PCDH8: variants seen among roughly 807,000 people sequenced by gnomAD.
PCDH8 encodes protocadherin 8.
Under a neutral mutation model 58.2 loss-of-function variants are expected in PCDH8, and 36 were observed. The ratio of observed to expected loss-of-function variants is 0.62; its 90% confidence interval spans 0.47 to 0.82. The LOEUF (loss-of-function observed/expected upper bound fraction) is 0.82. Among genes scored for constraint, PCDH8 ranks in the 40% least tolerant of loss-of-function variants. The pLI is 0.00. For missense variants in PCDH8, 1,493 were observed against 1,567.8 expected (o/e 0.95, Z 0.81); for synonymous variants, 775 against 728.9 (o/e 1.06, Z -1.02).
At position 52,844,269 on chromosome 13, in the gene PCDH8, C is replaced by G. The variant is rs1270471148; in HGVS notation, c.*291G>C. Reference sequence around the variant, plus strand: ...ATAACAAAATTTCATTATATACAAACATTACATTACACAATGTACAGGTTA... The same window carrying G: ...ATAACAAAATTTCATTATATACAAAGATTACATTACACAATGTACAGGTTA... On this transcript the variant is annotated 3_prime_UTR_variant, in exon 3 of 3. Transcript: ENST00000377942. 1 of 202,690 alleles carries G rather than the reference C, an allele frequency of 4.9e-6. No homozygotes were observed. The highest frequency in any genetic ancestry group is 9.8e-6 in the Non-Finnish European group (1 of 101,950). 12.6% of individuals were successfully genotyped at this position (202,690 alleles called of 1,614,324 possible).
At position 52,847,439 on chromosome 13, in the gene PCDH8, G is replaced by T; in HGVS notation, c.998C>A (p.Pro333His). ...DVRAQDRGPG[P>H]RAATCKVIVR... ...GATGACCTTGCAGGTGGCAGCGCGGGGCCCGGGTCCGCGGTCCTGCGCCCG... is the reference window on the plus strand; with the variant it reads ...GATGACCTTGCAGGTGGCAGCGCGGTGCCCGGGTCCGCGGTCCTGCGCCCG... Residue 333 changes from proline to histidine, a missense_variant, in exon 1 of 3, where the codon CCC becomes CAC. Transcript: ENST00000377942. The T allele has an allele frequency of 6.3e-7, 1 of 1,587,064 alleles. No homozygotes were observed.
rs746006475 is a variant in PCDH8, at chr13:52,844,980, T to G, written c.2840-47A>C. The G allele has an allele frequency of 2.0e-6, 3 of 1,505,168 alleles. No individual in the cohort carries two copies. In the South Asian group the frequency reaches 4.1e-5, roughly 20 times the overall value. 93.2% of individuals were successfully genotyped at this position (1,505,168 alleles called of 1,614,324 possible). A position where few individuals can be genotyped will look rare whatever the true frequency, so the allele number is the denominator to read the frequency against. On this transcript the variant is annotated intron_variant, in intron 2 of 2. Coordinates refer to ENST00000377942, the MANE Select transcript of PCDH8 (RefSeq NM_002590.4). ...AACAGCATGACGATTATTCCTGAGATTATACATATTCAGGCTTCCATCTTC... is the reference window on the plus strand; with the variant it reads ...AACAGCATGACGATTATTCCTGAGAGTATACATATTCAGGCTTCCATCTTC...
rs1453017254 is a variant in PCDH8, at chr13:52,845,273, C to G, written c.2839+152G>C. The G allele has an allele frequency of 1.1e-5, 8 of 734,246 alleles. No homozygotes were observed. The African/African-American group carries it at 1.4e-4, about 13-fold the overall frequency. 45.5% of individuals were successfully genotyped at this position (734,246 alleles called of 1,614,324 possible). On this transcript the variant is annotated intron_variant, in intron 2 of 2. Coordinates refer to ENST00000377942, the MANE Select transcript of PCDH8 (RefSeq NM_002590.4). ...CTCGACTTGGCATTTTGAAATTCAC[C>G]GTGTGAGGCAGGCCCGTATCCGCAG...
In PCDH8 at chr13:52,846,928, C is replaced by T. The variant is rs1253186701; in HGVS notation, c.1509G>A (p.Glu503=). 5.6e-6 allele frequency: 9 copies of T among 1,593,906 alleles called. No homozygotes were observed. Among genetic ancestry groups the T allele is most frequent in the East Asian group, 4.6e-5 (2 of 43,688 alleles). ...NAPLFTRPVY[E]VSVRENNPPG... ...GCGGGTTGTTCTCGCGCACCGACAC[C>T]TCATAGACCGGCCGCGTGAAGAGCG... The change falls in exon 1 of 3, where the codon GAG becomes GAA. Residue 503 remains glutamate, a synonymous_variant. Coordinates refer to ENST00000377942, the MANE Select transcript of PCDH8 (RefSeq NM_002590.4).
chr13:52,846,802 C>G lies in PCDH8; in HGVS notation c.1635G>C (p.Gly545=). The G allele has an allele frequency of 6.4e-7, 1 of 1,552,970 alleles. No homozygotes were observed. Among genetic ancestry groups the G allele is most frequent in the South Asian group, 1.2e-5 (1 of 85,738 alleles). The change falls in exon 1 of 3, where the codon GGG becomes GGC. Residue 545 remains glycine (G), a synonymous_variant. Transcript: ENST00000377942. ...RLLEAEVGRA[G]GAVSTYVSVD... is the part of the protein sequence containing the mutation. ...CCGAGACATAAGTGGACACGGCGCC[C>G]CCGGCGCGGCCCACCTCGGCCTCCA...
rs201221162 is a variant in PCDH8 at position 52,845,626 on chromosome 13, C to G, written c.2638G>C (p.Gly880Arg). Residue 880 changes from glycine (G) to arginine (R), a missense_variant, in exon 2 of 3, where the codon GGT (glycine) becomes CGT (arginine). By Grantham distance (125) the Gly-to-Arg change is moderately radical. Around this residue, in one of 3 missense-constraint regions of PCDH8, gnomAD observed 1,307 missense variants for 1,362.7 expected, o/e 0.96. Transcript: ENST00000377942. ...TCCTTTCCAAAACCCGGGGAGGCAC[C>G]GTAGGGCTGCAGCAGGGAATAGGGG... Reference protein sequence around the residue: ...RLRGAHAEPYGASPGFGKEPA... With the variant: ...RLRGAHAEPYRASPGFGKEPA... 2.5e-6 allele frequency: 4 copies of G among 1,613,840 alleles called. No individual in the cohort carries two copies. Among genetic ancestry groups the G allele is most frequent in the Non-Finnish European group, 2.5e-6 (3 of 1,179,998 alleles).
chr13:52,845,701 G>A, intron 1 of PCDH8, 69 bp from the exon 2 acceptor site: 1 of 1,561,164 alleles, frequency 6.4e-7, no homozygotes, highest in Non-Finnish European at 8.7e-7. Flanking sequence ...AAACAAGTGC[G>A]ACAGGTTGTC....
rs1217459468 is a variant in PCDH8, at chr13:52,845,609, A to G, written c.2655T>C (p.Phe885=). The G allele has an allele frequency of 6.2e-7, 1 of 1,614,048 alleles. No individual in the cohort carries two copies. The highest frequency in any genetic ancestry group is 8.5e-7 in the Non-Finnish European group (1 of 1,180,016). The stretch of plus-strand genomic sequence containing the variant: ...CCACAGGGGGCGCCGGCTCCTTTCC[A>G]AAACCCGGGGAGGCACCGTAGGGCT... ...HAEPYGASPG[F]GKEPAPPVAV... is the part of the protein sequence containing the mutation. Residue 885 remains phenylalanine (F), a synonymous_variant, in exon 2 of 3, where the codon TTT becomes TTC. Coordinates refer to ENST00000377942, the MANE Select transcript of PCDH8 (RefSeq NM_002590.4).
chr13:52,845,470 T>C lies in PCDH8; in HGVS notation c.2794A>G (p.Ser932Gly). Reference protein sequence around the residue: ...SDFNDSDSDISGDALKKDLIN... With the variant: ...SDFNDSDSDIGGDALKKDLIN... ...AGATCCTTTTTCAGAGCGTCCCCGCTGATGTCGGAATCGCTGTCGTTGAAA... is the reference window on the plus strand; with the variant it reads ...AGATCCTTTTTCAGAGCGTCCCCGCCGATGTCGGAATCGCTGTCGTTGAAA... Residue 932 changes from serine to glycine, a missense_variant, in exon 2 of 3, where the codon AGC becomes GGC. By Grantham distance (56) the Ser-to-Gly change is moderately conservative. Coordinates refer to ENST00000377942, the MANE Select transcript of PCDH8 (RefSeq NM_002590.4). 1 of 1,614,234 alleles carries C rather than the reference T, an allele frequency of 6.2e-7. No individual in the cohort carries two copies. The highest frequency in any genetic ancestry group is 8.5e-7 in the Non-Finnish European group (1 of 1,180,048).
chr13:52,846,376 C>T lies in PCDH8; in HGVS notation c.2061G>A (p.Arg687=). The change falls in exon 1 of 3, where the codon AGG becomes AGA. Residue 687 remains arginine (R), a synonymous_variant. Transcript: ENST00000377942. ...LSQEPPGRVF[R]ALLVISDGGR... ...CGCCGTCGGATATGACCAGGAGCGC[C>T]CTGAACACGCGACCGGGTGGCTCCT... 1 of 1,588,894 alleles carries T rather than the reference C, an allele frequency of 6.3e-7. No individual in the cohort carries two copies. Among genetic ancestry groups the T allele is most frequent in the Non-Finnish European group, 8.5e-7 (1 of 1,170,300 alleles).
intron 2 of PCDH8, 151 bp from the exon 3 acceptor site, chr13:52,845,084 C>T: frequency 1.1e-6 from 1 of 870,960 alleles, no homozygotes; most frequent in Non-Finnish European, 1.7e-6. Flanking sequence ...GAATCGAAGG[C>T]ACATTGCTTC....
rs774094455 is a variant in PCDH8 at position 52,846,099 on chromosome 13, CCTT to C, written c.2335_2337del (p.Lys779del). The C allele has an allele frequency of 6.3e-7, 1 of 1,581,414 alleles. No individual in the cohort carries two copies. Among genetic ancestry groups the C allele is most frequent in the Non-Finnish European group, 8.5e-7 (1 of 1,171,300 alleles). On this transcript the variant is annotated inframe_deletion, in exon 1 of 3. Transcript: ENST00000377942. ...CGGAGGGCCCCCCCTTTGCGCACCTCCTTCTTGCGGCGGTTGCAGGTGGTGGCG... is the reference window on the plus strand; with the variant it reads ...CGGAGGGCCCCCCCTTTGCGCACCTCCTTGCGGCGGTTGCAGGTGGTGGCG...
Position 52,847,036 on chromosome 13 carries a change from C to A in PCDH8, c.1401G>T (p.Leu467=). 1 of 1,567,470 alleles carries A rather than the reference C, an allele frequency of 6.4e-7. No homozygotes were observed. Among genetic ancestry groups the A allele is most frequent in the Non-Finnish European group, 8.6e-7 (1 of 1,158,828 alleles). ...RERIAEYNLT[L]VAEDRGAPPL... ...GGGGCGCGCCGCGATCCTCGGCCAC[C>A]AGCGTCAAGTTGTACTCGGCGATGC... The change falls in exon 1 of 3, where the codon CTG becomes CTT. Residue 467 remains leucine, a synonymous_variant. Transcript: ENST00000377942.
Position 52,845,811 on chromosome 13 carries a change from C to A in PCDH8, c.2626G>T (p.Ala876Ser). The A allele has an allele frequency of 6.7e-7, 1 of 1,502,822 alleles. No individual in the cohort carries two copies. 93.1% of individuals were successfully genotyped at this position (1,502,822 alleles called of 1,614,324 possible). A position where few individuals can be genotyped will look rare whatever the true frequency, so the allele number is the denominator to read the frequency against. Residue 876 changes from alanine to serine, a missense_variant, in exon 1 of 3, where the codon GCC becomes TCC. By Grantham distance (99) the Ala-to-Ser change is moderately conservative. Transcript: ENST00000377942. Reference sequence around the variant, plus strand: ...CAGCCGAAGGAAGGCCTCACCTCGGCGTGCGCGCCGCGGAGCCGCTGCTGC... The same window carrying A: ...CAGCCGAAGGAAGGCCTCACCTCGGAGTGCGCGCCGCGGAGCCGCTGCTGC... ...EGQQRLRGAH[A>S]EPYGASPGFG...
chr13:52,845,902 G>A lies in PCDH8; in HGVS notation c.2535C>T (p.Ala845=), dbSNP rs563281878. ...PAADAPPPAV[A]AAEVPGSEGG... The stretch of plus-strand genomic sequence containing the variant: ...CCTCTGAGCCCGGCACTTCGGCCGC[G>A]GCGACCGCAGGCGGAGGCGCGTCCG... Residue 845 remains alanine (A), a synonymous_variant, in exon 1 of 3, where the codon GCC becomes GCT. Transcript: ENST00000377942. The A allele has an allele frequency of 1.3e-4, 188 of 1,477,442 alleles. No individual in the cohort carries two copies. The highest frequency in any genetic ancestry group is 1.6e-4 in the Non-Finnish European group (180 of 1,126,330). The allele number at this position is 1,477,442 out of a possible 1,614,324, so 91.5% of individuals were successfully genotyped here. A position where few individuals can be genotyped will look rare whatever the true frequency, so the allele number is the denominator to read the frequency against.
In PCDH8 at chr13:52,843,346, A is replaced by C. The variant is rs1021721651; in HGVS notation, c.*1214T>G. On this transcript the variant is annotated 3_prime_UTR_variant, in exon 3 of 3. Transcript: ENST00000377942. ...TATCTTATCAAATCGATCTTGTTTC[A>C]CATAGCTCCCTGTGTTTTTTTCTAG... The C allele has an allele frequency of 1.3e-5, 2 of 152,170 alleles. No individual in the cohort carries two copies. Among genetic ancestry groups the C allele is most frequent in the Non-Finnish European group, 2.9e-5 (2 of 68,032 alleles). The allele number at this position is 152,170 out of a possible 1,614,324, so 9.4% of individuals were successfully genotyped here.
In PCDH8 at chr13:52,847,164, C is replaced by A; in HGVS notation, c.1273G>T (p.Gly425Trp). The change falls in exon 1 of 3, where the codon GGG (glycine) becomes TGG (tryptophan). Residue 425 changes from glycine to tryptophan, a missense_variant. This residue lies in a region of PCDH8 where 1,307 missense variants were observed against 1,362.7 expected (regional missense o/e 0.96). Transcript: ENST00000377942. ...STSDRDSGAN[G>W]QVRCALYGHE... Reference sequence around the variant, plus strand: ...CCATAGAGGGCGCAGCGCACTTGCCCGTTGGCGCCCGAGTCCCTGTCCGAG... The same window carrying A: ...CCATAGAGGGCGCAGCGCACTTGCCAGTTGGCGCCCGAGTCCCTGTCCGAG... 1 of 1,497,444 alleles carries A rather than the reference C, an allele frequency of 6.7e-7. No individual in the cohort carries two copies. Among genetic ancestry groups the A allele is most frequent in the Non-Finnish European group, 8.8e-7 (1 of 1,131,538 alleles). The allele number at this position is 1,497,444 out of a possible 1,614,324, so 92.8% of individuals were successfully genotyped here. A position where few individuals can be genotyped will look rare whatever the true frequency, so the allele number is the denominator to read the frequency against.
In PCDH8 at chr13:52,848,474, G is replaced by C. The variant is rs564209103; in HGVS notation, c.-38C>G. On this transcript the variant is annotated 5_prime_UTR_variant, in exon 1 of 3. Transcript: ENST00000377942. The stretch of plus-strand genomic sequence containing the variant: ...AAGTGCGATCCGAAAGGCTAAGGAA[G>C]TCTTCTCTGGTTTCCAGGTCGGGCG... 1.3e-6 allele frequency: 2 copies of C among 1,531,282 alleles called. No individual in the cohort carries two copies. The highest frequency in any genetic ancestry group is 4.0e-5 in the Admixed American group (2 of 50,526). The allele number at this position is 1,531,282 out of a possible 1,614,324, so 94.9% of individuals were successfully genotyped here.
Position 52,847,266 on chromosome 13 carries a change from C to A in PCDH8, c.1171G>T (p.Gly391Trp). ...GADASSPAGA[G>W]TPEAGATSLV... ...GAAGTGGCACCAGCCTCCGGCGTCC[C>A]GGCTCCCGCCGGCGAGCTAGCGTCC... is the stretch of plus-strand genomic sequence containing the variant. Residue 391 changes from glycine (G) to tryptophan (W), a missense_variant, in exon 1 of 3, where the codon GGG becomes TGG. This residue lies in a region of PCDH8 where 1,307 missense variants were observed against 1,362.7 expected (regional missense o/e 0.96). Transcript: ENST00000377942. The A allele has an allele frequency of 4.4e-6, 6 of 1,374,754 alleles. No homozygotes were observed. Among genetic ancestry groups the A allele is most frequent in the Non-Finnish European group, 5.6e-6 (6 of 1,070,508 alleles). 85.2% of individuals were successfully genotyped at this position (1,374,754 alleles called of 1,614,324 possible).
Sources: gnomAD v4.1 joint callset for allele counts on GRCh38, gnomAD v4.1.1 for gene constraint, gnomAD v4.1.1 regional missense constraint, MANE v1.5 for transcripts, NCBI Gene and HGNC (gene_info 2026-07-23, HGNC 2026-07-21) for gene names.